SIL1: variants seen among roughly 807,000 people sequenced by gnomAD.
SIL1 encodes the protein SIL1 nucleotide exchange factor.
Under a neutral mutation model 49.1 loss-of-function variants are expected in SIL1, and 40 were observed. The observed-to-expected ratio is 0.81, with a 90% confidence interval of 0.63 to 1.06. The LOEUF is 1.06. Ranked by LOEUF, SIL1 falls within the 50% of genes least tolerant of loss-of-function variation. The pLI is 0.00. For synonymous variants in SIL1, 253 were observed against 250.8 expected (o/e 1.01, Z -0.08); for missense variants, 500 against 572.6 (o/e 0.87, Z 1.29).
chr5:138,951,429 C>T lies in SIL1; in HGVS notation c.865-94G>A, dbSNP rs575692464. The T allele has an allele frequency of 1.2e-4, 149 of 1,280,712 alleles. No homozygotes were observed. In the East Asian group the frequency reaches 3.7e-3, roughly 31 times the overall value. The allele number at this position is 1,280,712 out of a possible 1,614,324, so 79.3% of individuals were successfully genotyped here. ...GCAGGCAGAGGTGCCCCAAATTAGT[C>T]CCCATTCCTCCCGGCCCCACCTCAG... On this transcript the variant is annotated intron_variant, in intron 8 of 9. Transcript: ENST00000394817.
chr5:138,994,311 T>C (rs1489078692), intron 7 of SIL1, among the ~76,000 whole-genome samples: 1 of 152,158 alleles, frequency 6.6e-6, no homozygotes, highest in Non-Finnish European at 1.5e-5. Context: ...GGCTATAAAG[T>C]CATATACCAG....
At chr5:139,071,304 T>C (rs1216492331) in intron 3 of SIL1, among the ~76,000 whole-genome samples, 1 of 152,048 alleles carries the variant, frequency 6.6e-6, no homozygotes, top group Non-Finnish European at 1.5e-5. Flanking sequence ...AACACTATAG[T>C]CTTGGGTGCA....
At position 139,037,176 on chromosome 5, in the gene SIL1, A is replaced by G. The variant is rs537908867; in HGVS notation, c.453+5444T>C. Among the ~76,000 whole-genome samples, 8 of 150,888 alleles carry G rather than the reference A, an allele frequency of 5.3e-5. No homozygotes were observed. The East Asian group carries it at 1.5e-3, about 29-fold the overall frequency. On this transcript the variant is annotated intron_variant, in intron 5 of 9. Transcript: ENST00000394817. The stretch of plus-strand genomic sequence containing the variant: ...AATATTCCACATACTTCTGGCCTCT[A>G]TGGTTTCAGATAAAAAATTCAATAT...
intron 1 of SIL1, among the ~76,000 whole-genome samples, chr5:139,174,932 T>G (rs1581152618): frequency 1.0e-5 from 1 of 100,100 alleles, no homozygotes; most frequent in Non-Finnish European, 1.9e-5. Context: ...AGTAAGACTG[T>G]GTCTCAAAAA....
intron 1 of SIL1, among the ~76,000 whole-genome samples, chr5:139,185,499 A>G (rs1040538203): frequency 6.6e-6 from 1 of 152,252 alleles, no homozygotes; most frequent in Non-Finnish European, 1.5e-5. Flanking sequence ...AATGAGCCAT[A>G]GTAAAATTGG....
chr5:139,112,765 C>T (rs1370135654), intron 3 of SIL1, among the ~76,000 whole-genome samples: 12 of 152,074 alleles, frequency 7.9e-5, no homozygotes, highest in African/African-American at 2.7e-4. Context: ...GTGAGGAGCC[C>T]CTCTGCCCGG....
At chr5:139,118,733 C>T (rs968056147) in intron 3 of SIL1, among the ~76,000 whole-genome samples, 1 of 152,188 alleles carries the variant, frequency 6.6e-6, no homozygotes, top group Admixed American at 6.5e-5. Flanking sequence ...GTACCATAAT[C>T]TGGTTGAAGG....
At chr5:139,186,876 T>C (rs1197542785) in intron 1 of SIL1, among the ~76,000 whole-genome samples, 2 of 152,166 alleles carry the variant, frequency 1.3e-5, no homozygotes, top group Non-Finnish European at 2.9e-5. Context: ...CTCTAAGGAA[T>C]CCAATGCTTC....
intron 1 of SIL1, among the ~76,000 whole-genome samples, chr5:139,171,090 C>T (rs1209257780): frequency 3.3e-5 from 5 of 150,686 alleles, no homozygotes; most frequent in East Asian, 4.0e-4. Flanking sequence ...GGGGTCAGCC[C>T]CCTGCCCGGC....
intron 3 of SIL1, among the ~76,000 whole-genome samples, chr5:139,112,140 C>T (rs933353581): frequency 8.7e-4 from 132 of 152,390 alleles, no homozygotes; most frequent in African/African-American, 2.8e-3. Context: ...GTCTAGTTCA[C>T]TCAGTGCTCA....
chr5:139,176,551 A>C (rs1316149152), intron 1 of SIL1, among the ~76,000 whole-genome samples: 1 of 152,360 alleles, frequency 6.6e-6, no homozygotes, highest in East Asian at 1.9e-4. Flanking sequence ...ATATAACAGA[A>C]ATTTATTGCT....
At chr5:139,165,526 T>G (rs1371268022) in intron 1 of SIL1, among the ~76,000 whole-genome samples, 1 of 152,084 alleles carries the variant, frequency 6.6e-6, no homozygotes, top group Non-Finnish European at 1.5e-5. Flanking sequence ...TTTTTTGTAT[T>G]TTTAGTAGAA....
At chr5:139,052,182 C>T (rs139981522) in intron 3 of SIL1, among the ~76,000 whole-genome samples, 1 of 151,802 alleles carries the variant, frequency 6.6e-6, no homozygotes, top group African/African-American at 2.4e-5. Context: ...CACCAGTTCT[C>T]GCAATTCTGG....
chr5:139,020,615 T>C (rs898134688), intron 7 of SIL1, among the ~76,000 whole-genome samples: 2 of 151,648 alleles, frequency 1.3e-5, no homozygotes, highest in African/African-American at 4.8e-5. Context: ...ACATATCTTT[T>C]GGCATCTACT....
chr5:139,163,705 T>A (rs1388919194), intron 1 of SIL1, among the ~76,000 whole-genome samples: 2 of 152,188 alleles, frequency 1.3e-5, no homozygotes, highest in African/African-American at 4.8e-5. Context: ...TTATTAAATA[T>A]GCACTAAGTG....
At chr5:138,984,079 T>C (rs1767594465) in intron 7 of SIL1, among the ~76,000 whole-genome samples, 1 of 152,140 alleles carries the variant, frequency 6.6e-6, no homozygotes. Context: ...AATCAAAGGC[T>C]GAGGAAGGCA....
intron 1 of SIL1, among the ~76,000 whole-genome samples, chr5:139,173,875 C>G (rs887159445): frequency 5.3e-5 from 8 of 149,598 alleles, no homozygotes; most frequent in Non-Finnish European, 1.2e-4. Context: ...AGGAGAATGA[C>G]GTGAACCCAG....
At position 139,192,857 on chromosome 5, in the gene SIL1, T is replaced by C. The variant is rs952530861; in HGVS notation, c.-11+5412A>G. Among the ~76,000 whole-genome samples the C allele has an allele frequency of 6.8e-4, 102 of 150,868 alleles. 2 individuals carry two copies. Among genetic ancestry groups the C allele is most frequent in the Admixed American group, 6.5e-3 (99 of 15,154 alleles). Reference sequence around the variant, plus strand: ...CCAAAAAAAAAAAAAATTAGCCAGATGTGGTGGCACATGCCTGTAGTACCA... The same window carrying C: ...CCAAAAAAAAAAAAAATTAGCCAGACGTGGTGGCACATGCCTGTAGTACCA... On this transcript the variant is annotated intron_variant, in intron 1 of 9. Coordinates refer to ENST00000394817, the MANE Select transcript of SIL1 (RefSeq NM_022464.5).
At chr5:139,073,467 T>C (rs1331669459) in intron 3 of SIL1, among the ~76,000 whole-genome samples, 1 of 152,136 alleles carries the variant, frequency 6.6e-6, no homozygotes, top group Non-Finnish European at 1.5e-5. Context: ...CTCCCTTACA[T>C]GTGGAATCTA....
Sources: allele counts gnomAD v4.1 joint callset (sites outside exome capture counted in the v4.1 genomes callset), GRCh38; gene constraint gnomAD v4.1.1; transcripts MANE v1.5; gene names NCBI Gene and HGNC (gene_info 2026-07-23, HGNC 2026-07-21).